The following POTEC variants were observed in gnomAD, a reference collection of about 807,000 sequenced individuals.
POTEC encodes the protein POTE ankyrin domain family member C.
A neutral mutation model predicts 62.0 loss-of-function variants in POTEC; 35 were observed. The observed-to-expected ratio is 0.56, with a 90% CI of 0.43 to 0.75. POTEC has a LOEUF of 0.75. Ranked by LOEUF, POTEC falls within the 30% of genes least tolerant of loss-of-function variation. The probability of loss-of-function intolerance (pLI) is 0.00; values close to 1 mark genes in which losing one functional copy is unlikely to be tolerated. For synonymous variants in POTEC, 156 were observed against 221.5 expected (o/e 0.70, Z 2.62); for missense variants, 472 against 655.9 (o/e 0.72, Z 3.06).
intron 10 of POTEC, 47 bp from the exon 11 acceptor site, chr18:14,512,040 T>C (rs752232687): frequency 2.3e-5 from 31 of 1,370,754 alleles, no homozygotes. Context: ...TAGAATGACA[T>C]ATCATGATTT....
chr18:14,515,435 T>A (rs1424201558), intron 9 of POTEC, among the ~76,000 whole-genome samples: 1 of 151,950 alleles, frequency 6.6e-6, no homozygotes, highest in Admixed American at 6.6e-5. Context: ...TACAAAAACA[T>A]ACACTGGAGA....
At position 14,517,739 on chromosome 18, in the gene POTEC, G is replaced by A. The variant is rs1174570315; in HGVS notation, c.1410-3954C>T. On this transcript the variant is annotated intron_variant, in intron 9 of 10. Coordinates refer to ENST00000358970, the MANE Select transcript of POTEC (RefSeq NM_001137671.2). ...TAGCCGGGCATGGTGGCATGCCCCC[G>A]TAATCCCAGCTCCTTGGGAGGCTGA... 1.6e-4 allele frequency among the ~76,000 whole-genome samples: 24 copies of A among 152,230 alleles called. No individual in the cohort carries two copies. The East Asian group carries it at 3.3e-3, about 21-fold the overall frequency.
At chr18:14,528,736 C>A (rs1910504178) in intron 6 of POTEC, 1 of 310,600 alleles carries the variant, frequency 3.2e-6, no homozygotes, top group Admixed American at 4.7e-5. Flanking sequence ...ATTTACAGTC[C>A]AAAGCATTGT....
intron 3 of POTEC, among the ~76,000 whole-genome samples, chr18:14,537,172 A>ACACAC (rs1324202343): frequency 3.1e-5 from 2 of 64,750 alleles, no homozygotes; most frequent in East Asian, 6.9e-4. Context: ...CAACAATAAC[A>ACACAC]ACACACACAC....
At position 14,543,182 on chromosome 18, in the gene POTEC, A is replaced by G. The variant is rs374959733; in HGVS notation, c.-36T>C. Reference sequence around the variant, plus strand: ...CAGCCCGGGGAGGCCGGTAGTAGCGAACAGATCGCGTCTACCAACCAGTTT... The same window carrying G: ...CAGCCCGGGGAGGCCGGTAGTAGCGGACAGATCGCGTCTACCAACCAGTTT... On this transcript the variant is annotated 5_prime_UTR_variant, in exon 1 of 11. Transcript: ENST00000358970. 3,588 of 1,613,168 alleles carry G rather than the reference A, an allele frequency of 2.2e-3. 68 individuals are homozygous for G. In the African/African-American group the frequency reaches 0.042, roughly 19 times the overall value.
chr18:14,516,668 G>GA (rs1555622974), intron 9 of POTEC, among the ~76,000 whole-genome samples: 4 of 146,128 alleles, frequency 2.7e-5, no homozygotes, highest in South Asian at 4.5e-4. Context: ...ACTACTGGGG[G>GA]GGGGTGTATC....
At chr18:14,526,095 T>G (rs1391726496) in intron 6 of POTEC, among the ~76,000 whole-genome samples, 1 of 151,752 alleles carries the variant, frequency 6.6e-6, no homozygotes, top group Non-Finnish European at 1.5e-5. Context: ...AGAGATGGGG[T>G]TTCACCATTG....
chr18:14,531,853 CTACT>C (rs921874280), intron 5 of POTEC: 16 of 151,958 alleles, frequency 1.1e-4, no homozygotes, highest in Non-Finnish European at 1.6e-4. Context: ...TGACTCATCA[CTACT>C]TACTTAACCT....
At chr18:14,520,226 A>G (rs933984027) in intron 9 of POTEC, among the ~76,000 whole-genome samples, 1 of 152,120 alleles carries the variant, frequency 6.6e-6, no homozygotes, top group African/African-American at 2.4e-5. Context: ...CAAATTTTAT[A>G]TAACAATTAC....
In POTEC at chr18:14,511,919, T is replaced by C. The variant is rs747860860; in HGVS notation, c.1608A>G (p.Leu536=). 4.3e-6 allele frequency: 7 copies of C among 1,613,870 alleles called. No individual in the cohort carries two copies. Among genetic ancestry groups the C allele is most frequent in the South Asian group, 2.2e-5 (2 of 91,074 alleles). Residue 536 remains leucine (L), a synonymous_variant, in exon 11 of 11, where the codon CTA becomes CTG. Coordinates refer to ENST00000358970, the MANE Select transcript of POTEC (RefSeq NM_001137671.2). ...TCATCTAGTTCCAGTCTCCAGAAAT[T>C]AGCATGGCAATTTCTTCCTGCAACA... ...NSMLQEEIAM[L]ISGDWN
chr18:14,530,745 G>C (rs555179835), intron 5 of POTEC, among the ~76,000 whole-genome samples, 192 bp from the exon 6 acceptor site: 22 of 152,158 alleles, frequency 1.4e-4, no homozygotes, highest in Non-Finnish European at 5.9e-5. Context: ...AAAAAAATTA[G>C]GTGAAATGCT....
Position 14,542,872 on chromosome 18 carries a change from T to C in POTEC, c.275A>G (p.Lys92Arg). The change falls in exon 1 of 11, where the codon AAG becomes AGG. Residue 92 changes from lysine (K) to arginine (R), a missense_variant. Physicochemically the swap from Lys to Arg is conservative, Grantham distance 26 (BLOSUM62 2). Coordinates refer to ENST00000358970, the MANE Select transcript of POTEC (RefSeq NM_001137671.2). ...TSGDHDNSFM[K>R]TLRSKMGKWC... ...CTTGCCCATCTTGCTCCTGAGCGTC[T>C]TCATAAAGGAGTTGTCATGGTCTCC... is the stretch of plus-strand genomic sequence containing the variant. 1 of 1,300,028 alleles carries C rather than the reference T, an allele frequency of 7.7e-7. No individual in the cohort carries two copies. Among genetic ancestry groups the C allele is most frequent in the Non-Finnish European group, 1.1e-6 (1 of 935,278 alleles). The allele number at this position is 1,300,028 out of a possible 1,614,324, so 80.5% of individuals were successfully genotyped here. A position where few individuals can be genotyped will look rare whatever the true frequency, so the allele number is the denominator to read the frequency against.
chr18:14,520,896 G>T (rs1223217494), intron 9 of POTEC, among the ~76,000 whole-genome samples: 5 of 152,184 alleles, frequency 3.3e-5, no homozygotes, highest in African/African-American at 1.2e-4. Context: ...GATTACTAGA[G>T]CCCAGAAAGT....
chr18:14,529,350 G>T (rs1271429216), intron 6 of POTEC, among the ~76,000 whole-genome samples: 1 of 152,132 alleles, frequency 6.6e-6, no homozygotes, highest in Non-Finnish European at 1.5e-5. Flanking sequence ...TGAAAACATA[G>T]AAATGTTTTC....
In POTEC at chr18:14,508,272, T is replaced by A. The variant is rs1237270290; in HGVS notation, c.*3626A>T. 7 of 152,652 alleles carry A rather than the reference T, an allele frequency of 4.6e-5. No homozygotes were observed. Among genetic ancestry groups the A allele is most frequent in the Non-Finnish European group, 1.0e-4 (7 of 68,040 alleles). The allele number at this position is 152,652 out of a possible 1,614,324, so 9.5% of individuals were successfully genotyped here. ...ATGTTTTGTTCATTCCCTTTCATTC[T>A]TTTTTCCCCCATTCTTGTTTGCCTG... is the stretch of plus-strand genomic sequence containing the variant. On this transcript the variant is annotated 3_prime_UTR_variant, in exon 11 of 11. Coordinates refer to ENST00000358970, the MANE Select transcript of POTEC (RefSeq NM_001137671.2).
Position 14,511,758 on chromosome 18 carries a change from C to G in POTEC, c.*140G>C. 1.2e-6 allele frequency: 1 copy of G among 864,908 alleles called. No individual in the cohort carries two copies. Among genetic ancestry groups the G allele is most frequent in the Non-Finnish European group, 1.9e-6 (1 of 523,010 alleles). 53.6% of individuals were successfully genotyped at this position (864,908 alleles called of 1,614,324 possible). ...AGTTGTCAAAATCCTAAGCTGTCCACTGTACTTAAATATTGGTTTTCGTTA... is the reference window on the plus strand; with the variant it reads ...AGTTGTCAAAATCCTAAGCTGTCCAGTGTACTTAAATATTGGTTTTCGTTA... On this transcript the variant is annotated 3_prime_UTR_variant, in exon 11 of 11. Transcript: ENST00000358970.
rs192429247 is a variant in POTEC at position 14,534,868 on chromosome 18, G to C, written c.917+33C>G. The C allele has an allele frequency of 1.4e-4, 207 of 1,525,608 alleles. 1 individual carries two copies. In the African/African-American group the frequency reaches 2.0e-3, roughly 15 times the overall value. The allele number at this position is 1,525,608 out of a possible 1,614,324, so 94.5% of individuals were successfully genotyped here. On this transcript the variant is annotated intron_variant, in intron 4 of 10. Transcript: ENST00000358970. The stretch of plus-strand genomic sequence containing the variant: ...GACTTGAGTGACTGCTATCAATCTA[G>C]AACAACACACAGATTAAAAGAAATA...
intron 9 of POTEC, among the ~76,000 whole-genome samples, chr18:14,517,985 T>A (rs1910209940): frequency 6.6e-6 from 1 of 151,978 alleles, no homozygotes; most frequent in African/African-American, 2.4e-5. Context: ...TCTCTCTAAA[T>A]AAAAAAATTA....
intron 3 of POTEC, among the ~76,000 whole-genome samples, chr18:14,537,193 ACACACACACAC>A (rs1567915372): frequency 2.2e-4 from 18 of 81,896 alleles, no homozygotes; most frequent in African/African-American, 1.4e-3. Context: ...ACACACACAC[ACACACACACAC>A]ACACACAAAA....
Sources: allele counts gnomAD v4.1 joint callset (sites outside exome capture counted in the v4.1 genomes callset), GRCh38; gene constraint gnomAD v4.1.1; transcripts MANE v1.5; gene names NCBI Gene and HGNC (gene_info 2026-07-23, HGNC 2026-07-21).